USP34: variants seen among roughly 807,000 people sequenced by gnomAD.
The protein encoded by USP34 is ubiquitin carboxyl-terminal hydrolase 34.
In USP34, 70 loss-of-function variants were observed where a neutral mutation model predicts 460.3. That is an observed-to-expected ratio of 0.15 (90% CI 0.13 to 0.19). The LOEUF (loss-of-function observed/expected upper bound fraction) is 0.19. Ranked by LOEUF, USP34 falls within the 10% of genes least tolerant of loss-of-function variation. The pLI is 1.00. For synonymous variants in USP34, 1,647 were observed against 1,405.3 expected, an observed-to-expected ratio of 1.17 and a Z score of -3.85; for missense variants, 3,985 against 4,236.2, an observed-to-expected ratio of 0.94 and a Z score of 1.65.
At chr2:61,189,617 C>G (rs966034633) in intron 78 of USP34, 2 of 152,206 alleles carry the variant, frequency 1.3e-5, no homozygotes, top group African/African-American at 4.8e-5. Flanking sequence ...TTTATGCCCA[C>G]GAACCAGTAA....
chr2:61,258,035 C>G (rs893895528), intron 44 of USP34, among the ~76,000 whole-genome samples: 2 of 152,042 alleles, frequency 1.3e-5, no homozygotes, highest in East Asian at 3.9e-4. Flanking sequence ...TTTGTCAATT[C>G]AAATGGCACT....
At chr2:61,454,942 T>C (rs1349114181) in intron 1 of USP34, among the ~76,000 whole-genome samples, 1 of 144,748 alleles carries the variant, frequency 6.9e-6, no homozygotes, top group Non-Finnish European at 1.5e-5. Context: ...AGTGCAGTGG[T>C]GCCATCTTGG....
At chr2:61,386,247 A>G (rs1434356480) in intron 5 of USP34, among the ~76,000 whole-genome samples, 3 of 152,146 alleles carry the variant, frequency 2.0e-5, no homozygotes, top group African/African-American at 7.2e-5. Flanking sequence ...GGATCACTTC[A>G]GGCCACTTCA....
intron 1 of USP34, among the ~76,000 whole-genome samples, chr2:61,452,073 C>A (rs1695295126): frequency 6.6e-6 from 1 of 150,570 alleles, no homozygotes; most frequent in Admixed American, 6.6e-5. Context: ...ACTCGGGAGG[C>A]TGAGGCAGGA....
intron 5 of USP34, among the ~76,000 whole-genome samples, chr2:61,392,976 G>A (rs890941021): frequency 6.6e-6 from 1 of 152,078 alleles, no homozygotes; most frequent in Non-Finnish European, 1.5e-5. Context: ...GGATCACTTA[G>A]GTATTTAGTA....
intron 48 of USP34, 87 bp from the exon 49 acceptor site, chr2:61,248,770 T>C: frequency 7.9e-7 from 1 of 1,270,786 alleles, no homozygotes; most frequent in Non-Finnish European, 1.1e-6. Flanking sequence ...TCCATTTCAA[T>C]TTTCAACTCA....
At position 61,190,316 on chromosome 2, in the gene USP34, G is replaced by T; in HGVS notation, c.9828C>A (p.Phe3276Leu). ...ISQYQNLQSD[F>L]SNRVEISKAS... ...CTTTGGAAATTTCAACTCGGTTGGA[G>T]AAATCAGACTGTAGGTTCTGATACT... The change falls in exon 78 of 80, where the codon TTC becomes TTA. Residue 3276 changes from phenylalanine to leucine, a missense_variant. Phe to Leu is a conservative substitution (Grantham distance 22). Transcript: ENST00000398571. 2 of 1,613,832 alleles carry T rather than the reference G, an allele frequency of 1.2e-6. No homozygotes were observed. The highest frequency in any genetic ancestry group is 1.7e-6 in the Non-Finnish European group (2 of 1,179,926).
chr2:61,378,842 T>C (rs1316337405), intron 7 of USP34, among the ~76,000 whole-genome samples: 1 of 140,072 alleles, frequency 7.1e-6, no homozygotes, highest in Non-Finnish European at 1.5e-5. Context: ...GAGGCAGAGG[T>C]TGCAGTGAGC....
intron 27 of USP34, among the ~76,000 whole-genome samples, chr2:61,306,801 A>G (rs1690421137): frequency 6.6e-6 from 1 of 152,216 alleles, no homozygotes; most frequent in African/African-American, 2.4e-5. Context: ...CGATCATTAA[A>G]AAGTCAGGAA....
chr2:61,439,908 A>T (rs1199419916), intron 1 of USP34, among the ~76,000 whole-genome samples: 7 of 152,136 alleles, frequency 4.6e-5, no homozygotes, highest in Non-Finnish European at 5.9e-5. Context: ...CCATTAGGAC[A>T]GGGACTGCTG....
chr2:61,379,612 A>G (rs1464935442), intron 7 of USP34, among the ~76,000 whole-genome samples: 1 of 152,250 alleles, frequency 6.6e-6, no homozygotes, highest in African/African-American at 2.4e-5. Context: ...ATTCATTCTG[A>G]GGGATAAAGT....
At chr2:61,295,996 T>C (rs1690015428) in intron 30 of USP34, among the ~76,000 whole-genome samples, 1 of 152,220 alleles carries the variant, frequency 6.6e-6, no homozygotes, top group Non-Finnish European at 1.5e-5. Context: ...CAGTGGCTCA[T>C]GCCTATAATC....
Position 61,236,873 on chromosome 2 carries a change from C to A in USP34, c.6778-484G>T, listed in dbSNP as rs142370460. Among the ~76,000 whole-genome samples the A allele has an allele frequency of 3.4e-3, 516 of 152,222 alleles. 2 individuals carry two copies. Among genetic ancestry groups the A allele is most frequent in the African/African-American group, 0.011 (444 of 41,528 alleles). ...GTTTTTGTCTTCATCTGTCTGAATA[C>A]CTTAAATATGACTTACATTTTTGTC... On this transcript the variant is annotated intron_variant, in intron 53 of 79. Coordinates refer to ENST00000398571, the MANE Select transcript of USP34 (RefSeq NM_014709.4).
chr2:61,300,481 C>T (rs902427909), intron 29 of USP34, among the ~76,000 whole-genome samples: 2 of 151,294 alleles, frequency 1.3e-5, no homozygotes, highest in African/African-American at 2.4e-5. Context: ...GCCACCGCCC[C>T]GGCCCAATTT....
intron 1 of USP34, among the ~76,000 whole-genome samples, chr2:61,437,912 C>G (rs1694862641): frequency 6.6e-6 from 1 of 152,084 alleles, no homozygotes; most frequent in Middle Eastern, 3.4e-3. Flanking sequence ...CTGCTGAAAT[C>G]TACCAAATAT....
At chr2:61,280,437 A>T (rs895454894) in intron 38 of USP34, 89 bp from the exon 39 acceptor site, 3 of 596,746 alleles carry the variant, frequency 5.0e-6, no homozygotes, top group Admixed American at 8.0e-5. Flanking sequence ...TTATGAAATA[A>T]ATTCCTATAT....
chr2:61,374,829 A>T (rs568034082), intron 8 of USP34, among the ~76,000 whole-genome samples: 97 of 152,310 alleles, frequency 6.4e-4, no homozygotes, highest in Admixed American at 3.2e-3. Flanking sequence ...TCGGCCTCCC[A>T]AAGTGCTGGG....
chr2:61,344,384 A>G (rs907116978), intron 15 of USP34, among the ~76,000 whole-genome samples: 3 of 152,202 alleles, frequency 2.0e-5, no homozygotes, highest in Non-Finnish European at 4.4e-5. Context: ...CAACTGTAGA[A>G]TCAAACCAAA....
intron 34 of USP34, among the ~76,000 whole-genome samples, chr2:61,285,356 G>A (rs1484914591): frequency 6.6e-6 from 1 of 151,874 alleles, no homozygotes; most frequent in African/African-American, 2.4e-5. Context: ...GGTGTGTGGT[G>A]CATGTCTACA....
Sources: allele counts gnomAD v4.1 joint callset (sites outside exome capture counted in the v4.1 genomes callset), GRCh38; gene constraint gnomAD v4.1.1; transcripts MANE v1.5; gene names NCBI Gene and HGNC (gene_info 2026-07-23, HGNC 2026-07-21).